The following ZNF362 variants were observed in gnomAD, a reference collection of about 807,000 sequenced individuals.
The protein encoded by ZNF362 is zinc finger protein 362.
In ZNF362, 11 loss-of-function variants were observed where a neutral mutation model predicts 42.9. The ratio of observed to expected loss-of-function variants is 0.26; its 90% CI spans 0.16 to 0.42. The LOEUF is 0.42. Ranked by LOEUF, ZNF362 falls within the 20% of genes least tolerant of loss-of-function variation. The pLI, the probability that ZNF362 is intolerant of heterozygous loss-of-function variation, is 1.00. For synonymous variants in ZNF362, 255 were observed against 257.3 expected (o/e 0.99, Z 0.09); for missense variants, 362 against 576.2 (o/e 0.63, Z 3.81).
rs4641276 is a variant in ZNF362 at position 33,295,142 on chromosome 1, T to C, written c.988-5T>C. The C allele has an allele frequency of 0.77, 1,247,672 of 1,613,458 alleles. 484,367 individuals are homozygous for C. The highest frequency in any genetic ancestry group is 0.95 in the African/African-American group (70,903 of 74,950). ...CTCTCCTGACCCCCTGCTGTGCCCCTACAGTCTCACCAGCGCCAGCACAAC... is the reference window on the plus strand; with the variant it reads ...CTCTCCTGACCCCCTGCTGTGCCCCCACAGTCTCACCAGCGCCAGCACAAC... On this transcript the variant is annotated splice_region_variant and splice_polypyrimidine_tract_variant and intron_variant, in intron 7 of 8. Transcript: ENST00000539719.
chr1:33,142,983 TGG>T, the ZNF362 span: 1 of 152,160 alleles, frequency 6.6e-6, no homozygotes, highest in Non-Finnish European at 1.5e-5. Flanking sequence ...TGACTACAAA[TGG>T]GGGCTCCAAA....
chr1:33,201,672 C>G, the ZNF362 span, among the ~76,000 whole-genome samples: 1 of 152,006 alleles, frequency 6.6e-6, no homozygotes, highest in Non-Finnish European at 1.5e-5. Flanking sequence ...ACTAAATGCT[C>G]TATATTAATC....
chr1:33,246,706 G>A, the ZNF362 span, among the ~76,000 whole-genome samples: 2,021 of 152,278 alleles, frequency 0.013, 23 homozygotes, highest in Middle Eastern at 0.027. Context: ...TGCAGGCCAC[G>A]TGCAGGAATT....
Position 33,295,296 on chromosome 1 carries a change from C to T in ZNF362, c.1137C>T (p.Ala379=). The change falls in exon 8 of 9, where the codon GCC becomes GCT. Residue 379 remains alanine (A), a synonymous_variant. Coordinates refer to ENST00000539719, the MANE Select transcript of ZNF362 (RefSeq NM_152493.3). ...KAYCCSMCGR[A]YTSETYLMKH... is the part of the protein sequence containing the mutation. ...ACTGCTGCAGCATGTGTGGGCGGGC[C>T]TACACCTCGGTGAGTGCCGGTCGGC... The T allele has an allele frequency of 3.1e-6, 5 of 1,614,072 alleles. No homozygotes were observed. The highest frequency in any genetic ancestry group is 1.3e-5 in the African/African-American group (1 of 75,076).
At chr1:33,189,217 C>G in the ZNF362 span, among the ~76,000 whole-genome samples, 1 of 152,130 alleles carries the variant, frequency 6.6e-6, no homozygotes, top group Non-Finnish European at 1.5e-5. Flanking sequence ...TAAACCAGGC[C>G]TAAGCTTTTT....
At chr1:33,183,323 C>T in the ZNF362 span, among the ~76,000 whole-genome samples, 1 of 152,222 alleles carries the variant, frequency 6.6e-6, no homozygotes, top group Non-Finnish European at 1.5e-5. Context: ...TATGAAAAAG[C>T]TCTCAGTTTA....
rs373312591 is a variant in ZNF362, at chr1:33,281,562, C to T, written c.684-25C>T. ...ATGGACAGTCTGGGGGATCTTCCCA[C>T]GTGAACCTGTCTCTTGCTCCGCAGG... On this transcript the variant is annotated intron_variant, in intron 5 of 8. Transcript: ENST00000539719. The surrounding 1 kb of genome is among the most constrained non-coding windows in gnomAD (Gnocchi z 4.8). 13 of 1,611,622 alleles carry T rather than the reference C, an allele frequency of 8.1e-6. No individual in the cohort carries two copies. In the African/African-American group the frequency reaches 1.5e-4, roughly 18 times the overall value.
the ZNF362 span, among the ~76,000 whole-genome samples, chr1:33,203,747 G>T: frequency 3.3e-5 from 5 of 152,214 alleles, no homozygotes; most frequent in East Asian, 9.6e-4. Context: ...TTTCATACAC[G>T]TATTGACCAT....
the ZNF362 span, among the ~76,000 whole-genome samples, chr1:33,189,720 C>CATATATATATATAT: frequency 3.3e-4 from 28 of 83,896 alleles, 1 homozygote; most frequent in African/African-American, 1.2e-3. Flanking sequence ...TATATATATA[C>CATATATATATATAT]ATACACACAT....
chr1:33,279,003 T>C (rs1645971056), intron 4 of ZNF362, among the ~76,000 whole-genome samples: 1 of 152,192 alleles, frequency 6.6e-6, no homozygotes, highest in South Asian at 2.1e-4. Context: ...GGCCAAAAGT[T>C]GTATACATTA....
the ZNF362 span, among the ~76,000 whole-genome samples, chr1:33,189,653 A>ATGTATATATATACG: frequency 5.5e-3 from 81 of 14,858 alleles, no homozygotes; most frequent in African/African-American, 0.01. Flanking sequence ...ATATATATAT[A>ATGTATATATATACG]TATATATATA....
At chr1:33,225,939 C>G in the ZNF362 span, among the ~76,000 whole-genome samples, 1 of 152,158 alleles carries the variant, frequency 6.6e-6, no homozygotes, top group Non-Finnish European at 1.5e-5. Context: ...CCAGCAGACC[C>G]CCTCTGTCTC....
the ZNF362 span, chr1:33,166,300 A>G: frequency 6.6e-6 from 1 of 152,160 alleles, no homozygotes. Context: ...AATAAATGTA[A>G]TGTGCTTGAA....
the ZNF362 span, among the ~76,000 whole-genome samples, chr1:33,217,584 C>A: frequency 6.6e-6 from 1 of 152,208 alleles, no homozygotes; most frequent in East Asian, 1.9e-4. Context: ...GAAGCAAGAT[C>A]TTCTGACTGT....
the ZNF362 span, among the ~76,000 whole-genome samples, chr1:33,174,702 T>C: frequency 6.6e-6 from 1 of 152,076 alleles, no homozygotes; most frequent in African/African-American, 2.4e-5. Flanking sequence ...TTCTTTCTGC[T>C]CCCTGGCCTG....
At chr1:33,284,428 T>C (rs1172818321) in intron 6 of ZNF362, among the ~76,000 whole-genome samples, 1 of 152,260 alleles carries the variant, frequency 6.6e-6, no homozygotes. Flanking sequence ...AGATCCTGTT[T>C]ACAGAACTAA....
At chr1:33,148,250 G>A in the ZNF362 span, among the ~76,000 whole-genome samples, 4 of 152,136 alleles carry the variant, frequency 2.6e-5, no homozygotes, top group African/African-American at 9.7e-5. Flanking sequence ...TGATTTTCAC[G>A]TGTCCCAGCA....
the ZNF362 span, among the ~76,000 whole-genome samples, chr1:33,247,099 A>G: frequency 1.7e-4 from 26 of 152,226 alleles, no homozygotes; most frequent in Admixed American, 1.2e-3. Context: ...CAGAGGTCTC[A>G]GGACCTCCGG....
chr1:33,250,264 C>T, the ZNF362 span, among the ~76,000 whole-genome samples: 1 of 152,136 alleles, frequency 6.6e-6, no homozygotes, highest in Non-Finnish European at 1.5e-5. Flanking sequence ...CTACCAGCCT[C>T]CCTCTCAAGA....
Sources: gnomAD v4.1 joint callset for allele counts (sites outside exome capture counted in the v4.1 genomes callset) on GRCh38, gnomAD v4.1.1 for gene constraint, Gnocchi (gnomAD v3.1) non-coding constraint, MANE v1.5 for transcripts, NCBI Gene and HGNC (gene_info 2026-07-23, HGNC 2026-07-21) for gene names.